Variants in TBC1D32 observed in about 807,000 individuals in gnomAD.
The protein encoded by TBC1D32 is TBC1 domain family member 32.
In TBC1D32, 151 loss-of-function variants were observed where a neutral mutation model predicts 170.3. That is an observed-to-expected ratio of 0.89 (90% CI 0.78 to 1.01). TBC1D32 has a LOEUF of 1.01. Among genes scored for constraint, TBC1D32 ranks in the 50% least tolerant of loss-of-function variants. TBC1D32 has a pLI of 0.00. For synonymous variants in TBC1D32, 498 were observed against 488.0 expected (o/e 1.02, Z -0.27); for missense variants, 1,464 against 1,457.1 (o/e 1.00, Z -0.08).
At chr6:121,302,431 G>T (rs1806636254) in intron 9 of TBC1D32, among the ~76,000 whole-genome samples, 1 of 151,980 alleles carries the variant, frequency 6.6e-6, no homozygotes, top group South Asian at 2.1e-4. Flanking sequence ...TTCAGAATGT[G>T]ATTTTTAAAT....
intron 22 of TBC1D32, among the ~76,000 whole-genome samples, chr6:121,181,243 C>T (rs1788466757): frequency 6.6e-6 from 1 of 152,022 alleles, no homozygotes; most frequent in South Asian, 2.1e-4. Flanking sequence ...GTGTCCCCAC[C>T]CAAATCTCAT....
intron 1 of TBC1D32, 124 bp downstream of exon 1, chr6:121,334,151 GA>G: frequency 1.3e-6 from 1 of 759,238 alleles, no homozygotes; most frequent in Non-Finnish European, 2.1e-6. Context: ...GCAAATAAGA[GA>G]AAAAGTAAAC....
chr6:121,103,050 G>A (rs1208793377), intron 30 of TBC1D32, among the ~76,000 whole-genome samples: 1 of 152,134 alleles, frequency 6.6e-6, no homozygotes, highest in African/African-American at 2.4e-5. Flanking sequence ...TCTCATGCCA[G>A]TTAGAATGGA....
chr6:121,168,451 C>A, intron 22 of TBC1D32, among the ~76,000 whole-genome samples: 1 of 97,400 alleles, frequency 1.0e-5, no homozygotes, highest in Non-Finnish European at 2.1e-5. Flanking sequence ...TCTCAGTAAC[C>A]TATCACAAGA....
intron 22 of TBC1D32, among the ~76,000 whole-genome samples, chr6:121,163,424 C>CCCCA (rs1786048771): frequency 1.0e-4 from 1 of 9,928 alleles, no homozygotes; most frequent in Non-Finnish European, 1.9e-4. Context: ...CCCTGACCCC[C>CCCCA]GAGCAGCCTA....
intron 22 of TBC1D32, among the ~76,000 whole-genome samples, chr6:121,179,036 T>TCA (rs1788159040): frequency 6.6e-6 from 1 of 152,048 alleles, no homozygotes; most frequent in African/African-American, 2.4e-5. Context: ...TTGCTTTAAG[T>TCA]CACAAAGTTT....
At chr6:121,334,650 T>C (rs9482135), upstream of TBC1D32, 6,859 of 588,632 alleles carry the variant, frequency 0.012, 417 homozygotes, top group African/African-American at 0.12. Context: ...AGGTCTCGCC[T>C]CTGGTACTCT....
chr6:121,253,534 T>C (rs922074556), intron 17 of TBC1D32, among the ~76,000 whole-genome samples: 6 of 151,942 alleles, frequency 3.9e-5, no homozygotes, highest in East Asian at 3.9e-4. Flanking sequence ...CTGGCTAACA[T>C]GGTGAAACCC....
At chr6:121,196,355 C>T (rs1186875911) in intron 22 of TBC1D32, among the ~76,000 whole-genome samples, 1 of 152,150 alleles carries the variant, frequency 6.6e-6, no homozygotes, top group Non-Finnish European at 1.5e-5. Context: ...CAGCAGAGAC[C>T]AACACTGAGT....
chr6:121,270,359 A>G (rs1389154681), intron 15 of TBC1D32, among the ~76,000 whole-genome samples: 1 of 152,200 alleles, frequency 6.6e-6, no homozygotes, highest in Non-Finnish European at 1.5e-5. Context: ...CAAAATTGAT[A>G]AACTGATAGC....
chr6:121,273,742 T>C (rs1801828259), intron 15 of TBC1D32, among the ~76,000 whole-genome samples: 1 of 152,100 alleles, frequency 6.6e-6, no homozygotes, highest in Non-Finnish European at 1.5e-5. Context: ...AACTATAACC[T>C]TGATGGAAGT....
In TBC1D32 at chr6:121,281,559, T is replaced by C. The variant is rs746033554; in HGVS notation, c.1593A>G (p.Leu531=). The change falls in exon 14 of 32, where the codon TTA becomes TTG. Residue 531 remains leucine (L), a synonymous_variant. Coordinates refer to ENST00000398212, the MANE Select transcript of TBC1D32 (RefSeq NM_152730.6). ...IETLLQPIHN[L]MKGNEASPNC... Reference sequence around the variant, plus strand: ...TAATACGAACCTCATTTCCTTTCATTAAATTGTGAATAGGCTGAAGAAGTG... The same window carrying C: ...TAATACGAACCTCATTTCCTTTCATCAAATTGTGAATAGGCTGAAGAAGTG... The C allele has an allele frequency of 4.0e-5, 65 of 1,605,836 alleles. No individual in the cohort carries two copies. The South Asian group carries it at 6.9e-4, about 17-fold the overall frequency.
rs1262959560 is a variant in TBC1D32 at position 121,128,382 on chromosome 6, T to C, written c.2900-1921A>G. On this transcript the variant is annotated intron_variant, in intron 25 of 31. Transcript: ENST00000398212. ...CAATTGTAAGTGTAGCTGAACTACATAATTACTAGAGTGGCTACTTATCTC... is the reference window on the plus strand; with the variant it reads ...CAATTGTAAGTGTAGCTGAACTACACAATTACTAGAGTGGCTACTTATCTC... Among the ~76,000 whole-genome samples the C allele has an allele frequency of 3.9e-5, 6 of 152,274 alleles. No homozygotes were observed. In the South Asian group the frequency reaches 8.3e-4, roughly 21 times the overall value.
chr6:121,176,310 G>C (rs1309585732), intron 22 of TBC1D32, among the ~76,000 whole-genome samples: 1 of 152,066 alleles, frequency 6.6e-6, no homozygotes, highest in Non-Finnish European at 1.5e-5. Flanking sequence ...AGGTGTTCCA[G>C]GTACAGCAAA....
At chr6:121,236,572 C>T (rs1796353065) in intron 20 of TBC1D32, among the ~76,000 whole-genome samples, 1 of 152,038 alleles carries the variant, frequency 6.6e-6, no homozygotes, top group African/African-American at 2.4e-5. Flanking sequence ...GACTCTAGGG[C>T]TGTTTACTAC....
intron 2 of TBC1D32, among the ~76,000 whole-genome samples, chr6:121,318,336 C>G (rs1018783104): frequency 1.9e-4 from 29 of 152,176 alleles, no homozygotes; most frequent in African/African-American, 7.0e-4. Context: ...GAACTGGTAT[C>G]AAATTTCTCT....
rs920895140 is a variant in TBC1D32, at chr6:121,304,778, G to A, written c.746C>T (p.Thr249Ile). ...ACCTAAGCTTGTATAAATTTCCTTG[G>A]TCATATGTAATGGAGAAAGCAAAAA... ...QTFLLSPLHM[T>I]KEIYTSLAKY... Residue 249 changes from threonine to isoleucine, a missense_variant, in exon 6 of 32, where the codon ACC becomes ATC. Thr to Ile is a moderately conservative substitution (Grantham distance 89). This residue lies in a region of TBC1D32 where 1,363 missense variants were observed against 1,338.1 expected (regional missense o/e 1.02). Coordinates refer to ENST00000398212, the MANE Select transcript of TBC1D32 (RefSeq NM_152730.6). The A allele has an allele frequency of 1.0e-5, 16 of 1,607,558 alleles. No homozygotes were observed. The highest frequency in any genetic ancestry group is 3.3e-4 in the Middle Eastern group (2 of 6,008).
chr6:121,313,274 ATTT>A (rs1164149264), intron 3 of TBC1D32, among the ~76,000 whole-genome samples: 68 of 125,494 alleles, frequency 5.4e-4, no homozygotes, highest in African/African-American at 7.5e-4. Context: ...CCTGGCCTTA[ATTT>A]TTTTTTTTTT....
At chr6:121,334,521 G>A, upstream of TBC1D32, 1 of 1,430,844 alleles carries the variant, frequency 7.0e-7, no homozygotes, top group South Asian at 1.4e-5. Context: ...ACCCAGCCCC[G>A]GCTACGTGCG....
Sources: gnomAD v4.1 joint callset for allele counts (sites outside exome capture counted in the v4.1 genomes callset) on GRCh38, gnomAD v4.1.1 for gene constraint, gnomAD v4.1.1 regional missense constraint, MANE v1.5 for transcripts, NCBI Gene and HGNC (gene_info 2026-07-23, HGNC 2026-07-21) for gene names.